Variants in ENPP2 observed in about 807,000 individuals in gnomAD.
The protein encoded by ENPP2 is autotaxin.
Under a neutral mutation model 120.2 loss-of-function variants are expected in ENPP2, and 51 were observed. The observed-to-expected ratio is 0.42, with a 90% CI of 0.34 to 0.54. ENPP2 has a LOEUF of 0.54. ENPP2 is among the 20% of genes least tolerant of loss of function. The pLI is 0.04. For missense variants in ENPP2, 920 were observed against 1,066.5 expected, an observed-to-expected ratio of 0.86 and a Z score of 1.91; for synonymous variants, 365 against 366.4, an observed-to-expected ratio of 1.00 and a Z score of 0.04.
chr8:119,580,048 A>T, intron 19 of ENPP2, 68 bp downstream of exon 19: 1 of 1,047,978 alleles, frequency 9.5e-7, no homozygotes, highest in South Asian at 1.3e-5. Context: ...TATAATGTAA[A>T]TAAGAAGCCT....
At chr8:119,663,800 G>A (rs961188426) in intron 1 of ENPP2, among the ~76,000 whole-genome samples, 5 of 152,198 alleles carry the variant, frequency 3.3e-5, no homozygotes, top group African/African-American at 7.2e-5. Context: ...TCTTGCATTT[G>A]TACCTGCTGA....
intron 1 of ENPP2, among the ~76,000 whole-genome samples, chr8:119,669,588 T>C (rs1818180475): frequency 6.6e-6 from 1 of 152,206 alleles, no homozygotes; most frequent in South Asian, 2.1e-4. Context: ...CGCCACCTAC[T>C]TCACTCTCCC....
rs541215075 is a variant in ENPP2, at chr8:119,590,262, C to T, written c.1207+243G>A. Among the ~76,000 whole-genome samples the T allele has an allele frequency of 1.1e-4, 16 of 152,264 alleles. 1 individual carries two copies. The South Asian group carries it at 3.3e-3, about 32-fold the overall frequency. On this transcript the variant is annotated intron_variant, in intron 13 of 24. Transcript: ENST00000075322. ...AATATTTATATAATGCTACTATGTG[C>T]CAGGAACCACTCTAAGCAATATGCA...
At chr8:119,604,086 G>A (rs1215122141) in intron 9 of ENPP2, among the ~76,000 whole-genome samples, 1 of 149,534 alleles carries the variant, frequency 6.7e-6, no homozygotes, top group Non-Finnish European at 1.5e-5. Flanking sequence ...GGAGTGCAGT[G>A]ACACAATCTC....
Position 119,672,159 on chromosome 8 carries a change from GC to G in ENPP2, c.21+1092del, listed in dbSNP as rs1424563310. On this transcript the variant is annotated intron_variant, in intron 1 of 25. Coordinates refer to the ENPP2 transcript ENST00000427067. Reference sequence around the variant, plus strand: ...GAGGAGATGTCGGGAGACAGCAAATGCCACCCACTCTTTCAAGGAATTTGGT... The same window carrying G: ...GAGGAGATGTCGGGAGACAGCAAATGCACCCACTCTTTCAAGGAATTTGGT... Among the ~76,000 whole-genome samples, 4 of 152,250 alleles carry G rather than the reference GC, an allele frequency of 2.6e-5. No homozygotes were observed. In the East Asian group the frequency reaches 7.7e-4, roughly 29 times the overall value.
intron 1 of ENPP2, among the ~76,000 whole-genome samples, chr8:119,671,524 G>A (rs954837576): frequency 4.6e-5 from 7 of 152,152 alleles, no homozygotes; most frequent in African/African-American, 1.7e-4. Context: ...TGATTGTCAT[G>A]AATGAAAGGG....
At chr8:119,631,043 C>T (rs1220357937) in intron 2 of ENPP2, among the ~76,000 whole-genome samples, 6 of 151,314 alleles carry the variant, frequency 4.0e-5, no homozygotes, top group Non-Finnish European at 8.8e-5. Flanking sequence ...AACAGGCACC[C>T]GCCACTATGC....
intron 1 of ENPP2, among the ~76,000 whole-genome samples, chr8:119,669,783 C>T (rs1288550146): frequency 6.6e-6 from 1 of 152,132 alleles, no homozygotes; most frequent in African/African-American, 2.4e-5. Flanking sequence ...TGAGAAGGAC[C>T]TTGGTCTCAA....
chr8:119,673,048 G>T (rs547503842), intron 1 of ENPP2, among the ~76,000 whole-genome samples: 65 of 152,296 alleles, frequency 4.3e-4, no homozygotes, highest in Middle Eastern at 3.4e-3. Context: ...TCATTCTCTG[G>T]CAATGAAAAC....
chr8:119,661,231 C>T (rs1350153475), intron 1 of ENPP2, among the ~76,000 whole-genome samples: 6 of 152,078 alleles, frequency 3.9e-5, no homozygotes, highest in Non-Finnish European at 1.5e-5. Context: ...GGCTTAAAAC[C>T]TAGATAACGG....
At chr8:119,657,665 A>C (rs902502458) in intron 1 of ENPP2, among the ~76,000 whole-genome samples, 1 of 152,176 alleles carries the variant, frequency 6.6e-6, no homozygotes, top group Admixed American at 6.6e-5. Context: ...AAATACCCGC[A>C]TTCCCAACCA....
intron 2 of ENPP2, among the ~76,000 whole-genome samples, chr8:119,635,793 G>A (rs149532649): frequency 1.4e-4 from 22 of 152,064 alleles, no homozygotes; most frequent in African/African-American, 4.3e-4. Flanking sequence ...TATTTCCTAC[G>A]CTAACAATAA....
chr8:119,627,816 C>T (rs1251694695), intron 2 of ENPP2, among the ~76,000 whole-genome samples: 2 of 151,000 alleles, frequency 1.3e-5, no homozygotes, highest in African/African-American at 2.4e-5. Context: ...GAGCAGAGAT[C>T]GCACTATTGC....
intron 12 of ENPP2, among the ~76,000 whole-genome samples, chr8:119,591,936 A>G (rs1315703331): frequency 6.6e-6 from 1 of 152,138 alleles, no homozygotes; most frequent in African/African-American, 2.4e-5. Context: ...GAAGTCCCTT[A>G]TGCCACCCCA....
chr8:119,592,729 CCTGTG>C (rs1813611477), intron 12 of ENPP2, among the ~76,000 whole-genome samples: 7 of 151,660 alleles, frequency 4.6e-5, no homozygotes, highest in Non-Finnish European at 1.5e-5. Context: ...ACTTCTCTGA[CCTGTG>C]TGTAGCTCTC....
chr8:119,642,188 T>A (rs1322335237), upstream of ENPP2, among the ~76,000 whole-genome samples: 1 of 152,220 alleles, frequency 6.6e-6, no homozygotes, highest in Admixed American at 6.5e-5. Context: ...CTTTTTGGTA[T>A]ACTCTTTTGA....
chr8:119,579,049 T>G (rs1005176749), intron 19 of ENPP2, among the ~76,000 whole-genome samples: 9 of 152,216 alleles, frequency 5.9e-5, no homozygotes, highest in African/African-American at 2.2e-4. Flanking sequence ...CTGCTATGCT[T>G]GAATTCTTTC....
chr8:119,593,521 C>T (rs559036947), intron 12 of ENPP2, among the ~76,000 whole-genome samples: 71 of 152,220 alleles, frequency 4.7e-4, no homozygotes, highest in African/African-American at 1.6e-3. Flanking sequence ...GTCTTTCCTG[C>T]AAATAACAGA....
At chr8:119,631,080 G>A (rs1816633821) in intron 2 of ENPP2, among the ~76,000 whole-genome samples, 2 of 149,812 alleles carry the variant, frequency 1.3e-5, no homozygotes, top group South Asian at 4.3e-4. Context: ...ATTTTTGGTA[G>A]AGACGGGGTT....
Sources: gnomAD v4.1 joint callset for allele counts (sites outside exome capture counted in the v4.1 genomes callset) on GRCh38, gnomAD v4.1.1 for gene constraint, MANE v1.5 for transcripts, NCBI Gene and HGNC (gene_info 2026-07-23, HGNC 2026-07-21) for gene names.